The following GLI3 variants were observed in gnomAD, a reference collection of about 807,000 sequenced individuals.
GLI3 encodes the protein transcription activator GLI3.
In GLI3, 20 loss-of-function variants were observed where a neutral mutation model predicts 100.8. The observed-to-expected ratio is 0.20, with a 90% CI of 0.14 to 0.29. The LOEUF is 0.29. GLI3 is among the 10% of genes least tolerant of loss of function. GLI3 has a pLI of 1.00. For missense variants in GLI3, 2,040 were observed against 2,128.5 expected, an observed-to-expected ratio of 0.96 and a Z score of 0.82; for synonymous variants, 938 against 860.5, an observed-to-expected ratio of 1.09 and a Z score of -1.58.
chr7:42,192,946 C>G (rs1410021929), intron 2 of GLI3, among the ~76,000 whole-genome samples: 1 of 152,190 alleles, frequency 6.6e-6, no homozygotes, highest in African/African-American at 2.4e-5. Context: ...CAGCCTTGCA[C>G]AGACCACAGG....
At chr7:42,062,318 G>A (rs1272724285) in intron 4 of GLI3, among the ~76,000 whole-genome samples, 1 of 152,084 alleles carries the variant, frequency 6.6e-6, no homozygotes, top group Non-Finnish European at 1.5e-5. Flanking sequence ...TTAAAATTTA[G>A]TGACCCATCA....
At chr7:42,104,718 G>T (rs907906145) in intron 3 of GLI3, among the ~76,000 whole-genome samples, 1 of 152,104 alleles carries the variant, frequency 6.6e-6, no homozygotes, top group African/African-American at 2.4e-5. Flanking sequence ...CCAATGTAAT[G>T]GTATTTGGCA....
rs1449315077 is a variant in GLI3 at position 42,026,285 on chromosome 7, T to C, written c.1156A>G (p.Thr386Ala). 1.9e-6 allele frequency: 3 copies of C among 1,613,944 alleles called. No individual in the cohort carries two copies. Among genetic ancestry groups the C allele is most frequent in the South Asian group, 1.1e-5 (1 of 91,054 alleles). Residue 386 changes from threonine to alanine, a missense_variant, in exon 8 of 15, where the codon ACT becomes GCT. Thr to Ala is a moderately conservative substitution (Grantham distance 58). Transcript: ENST00000395925. ...GGAATAGGCCTCTGTGTTGGAAAAG[T>C]TGGGGCAGGGTGGATGAGTGGAGGG... is the stretch of plus-strand genomic sequence containing the variant. ...HSPPLIHPAPTFPTQRPIPGI... is the reference protein window; with the variant it reads ...HSPPLIHPAPAFPTQRPIPGI...
intron 3 of GLI3, among the ~76,000 whole-genome samples, chr7:42,087,057 C>T (rs1253029561): frequency 6.6e-6 from 1 of 152,130 alleles, no homozygotes; most frequent in East Asian, 1.9e-4. Flanking sequence ...AAGAGGCCCA[C>T]TTATCCGTGT....
intron 1 of GLI3, among the ~76,000 whole-genome samples, chr7:42,246,206 A>C (rs1788969956): frequency 6.6e-6 from 1 of 152,042 alleles, no homozygotes; most frequent in African/African-American, 2.4e-5. Flanking sequence ...GATTTCATAA[A>C]CTCTAAATCC....
chr7:42,219,486 G>T (rs1312437841), intron 2 of GLI3, among the ~76,000 whole-genome samples: 1 of 151,618 alleles, frequency 6.6e-6, no homozygotes, highest in Non-Finnish European at 1.5e-5. Flanking sequence ...TTAAATTTCA[G>T]TGTTAAGTGG....
chr7:42,238,544 T>C (rs370568981), upstream of GLI3, among the ~76,000 whole-genome samples: 3 of 152,318 alleles, frequency 2.0e-5, no homozygotes, highest in South Asian at 6.2e-4. Context: ...TGGGCCACTT[T>C]ATAAAAGACA....
At chr7:41,984,297 C>T (rs1015589536) in intron 10 of GLI3, among the ~76,000 whole-genome samples, 1 of 152,198 alleles carries the variant, frequency 6.6e-6, no homozygotes, top group Non-Finnish European at 1.5e-5. Context: ...CTGTTCCTAA[C>T]CCTCCAGATG....
intron 2 of GLI3, among the ~76,000 whole-genome samples, chr7:42,194,481 C>A (rs1457408423): frequency 6.6e-6 from 1 of 152,156 alleles, no homozygotes; most frequent in South Asian, 2.1e-4. Flanking sequence ...CAATTAACAT[C>A]AACAGTTCCA....
chr7:42,148,162 CACACA>C, intron 3 of GLI3, 59 bp downstream of exon 3: 2 of 1,528,544 alleles, frequency 1.3e-6, no homozygotes, highest in Non-Finnish European at 1.8e-6. Context: ...CACACACACA[CACACA>C]CACACACACA....
At chr7:42,191,233 C>T (rs1034713975) in intron 2 of GLI3, among the ~76,000 whole-genome samples, 5 of 152,082 alleles carry the variant, frequency 3.3e-5, no homozygotes, top group African/African-American at 1.2e-4. Context: ...ACAAATAAAA[C>T]ATTTAGTATA....
intron 2 of GLI3, among the ~76,000 whole-genome samples, chr7:42,155,834 TA>T: frequency 6.6e-6 from 1 of 151,770 alleles, no homozygotes; most frequent in South Asian, 2.1e-4. Context: ...ATTTTTTTTT[TA>T]AAAAGATAAT....
chr7:42,203,494 C>T (rs1490402030), intron 2 of GLI3, among the ~76,000 whole-genome samples: 2 of 152,156 alleles, frequency 1.3e-5, no homozygotes, highest in African/African-American at 4.8e-5. Context: ...TCTTTCTGTG[C>T]CTGGCTTATT....
chr7:42,017,265 T>A (rs556526934), intron 10 of GLI3, among the ~76,000 whole-genome samples: 1 of 152,322 alleles, frequency 6.6e-6, no homozygotes, highest in South Asian at 2.1e-4. Flanking sequence ...ATTGGCAGAA[T>A]CTAGAATCTC....
chr7:42,192,596 A>G (rs1787849007), intron 2 of GLI3, among the ~76,000 whole-genome samples: 1 of 152,238 alleles, frequency 6.6e-6, no homozygotes, highest in Non-Finnish European at 1.5e-5. Context: ...AACAAAAAAG[A>G]ACCAAAGAGA....
intron 12 of GLI3, among the ~76,000 whole-genome samples, chr7:41,975,227 A>T (rs182190876): frequency 6.6e-6 from 1 of 152,354 alleles, no homozygotes; most frequent in East Asian, 1.9e-4. Context: ...CTCCCTTCCC[A>T]TTACAGTCCA....
intron 6 of GLI3, among the ~76,000 whole-genome samples, chr7:42,044,082 C>T (rs1784195939): frequency 1.3e-5 from 2 of 152,176 alleles, no homozygotes; most frequent in Admixed American, 1.3e-4. Flanking sequence ...TGATGGTAAG[C>T]AGACTAAGGC....
intron 2 of GLI3, among the ~76,000 whole-genome samples, chr7:42,185,044 G>A (rs1307439169): frequency 2.0e-5 from 3 of 152,012 alleles, no homozygotes; most frequent in South Asian, 2.1e-4. Context: ...CATGATGCCT[G>A]TTAAGGTGAA....
chr7:42,130,987 TGTAGGGAA>T (rs1786261708), intron 3 of GLI3, among the ~76,000 whole-genome samples: 1 of 152,182 alleles, frequency 6.6e-6, no homozygotes, highest in Non-Finnish European at 1.5e-5. Flanking sequence ...TAAAAGATCT[TGTAGGGAA>T]GCCTTTTAAG....
Sources: allele counts gnomAD v4.1 joint callset (sites outside exome capture counted in the v4.1 genomes callset), GRCh38; gene constraint gnomAD v4.1.1; transcripts MANE v1.5; gene names NCBI Gene and HGNC (gene_info 2026-07-23, HGNC 2026-07-21).